Variants in MACROD2 observed in about 807,000 individuals in gnomAD.
MACROD2 encodes ADP-ribose glycohydrolase MACROD2.
Under a neutral mutation model 70.4 loss-of-function variants are expected in MACROD2, and 36 were observed. The ratio of observed to expected loss-of-function variants is 0.51; its 90% confidence interval spans 0.39 to 0.68. MACROD2 has a LOEUF of 0.68. MACROD2 is among the 30% of genes least tolerant of loss of function. The pLI is 0.00. For missense variants in MACROD2, 496 were observed against 538.4 expected (o/e 0.92, Z 0.78); for synonymous variants, 172 against 178.8 (o/e 0.96, Z 0.30).
chr20:15,295,595 T>TCACACACACA (rs3223712), intron 6 of MACROD2, among the ~76,000 whole-genome samples: 2,772 of 148,012 alleles, frequency 0.019, 52 homozygotes, highest in African/African-American at 0.039. Flanking sequence ...ATGTCTGTCA[T>TCACACACACA]CACACACACA....
rs192007592 is a variant in MACROD2, at chr20:15,249,129, G to A, written c.540+19068G>A. Among the ~76,000 whole-genome samples the A allele has an allele frequency of 3.3e-4, 51 of 152,318 alleles. No homozygotes were observed. The East Asian group carries it at 7.5e-3, about 23-fold the overall frequency. On this transcript the variant is annotated intron_variant, in intron 6 of 17. Transcript: ENST00000684519. Reference sequence around the variant, plus strand: ...AAAGGACAAGGACGCTGAGGTATTTGTCTACCAACCCCTGTCGCCTCCTTG... The same window carrying A: ...AAAGGACAAGGACGCTGAGGTATTTATCTACCAACCCCTGTCGCCTCCTTG...
chr20:15,583,058 T>A (rs1231793922), intron 8 of MACROD2, among the ~76,000 whole-genome samples: 9 of 150,588 alleles, frequency 6.0e-5, no homozygotes, highest in Non-Finnish European at 1.2e-4. Context: ...AAAAAAAAAA[T>A]AAGTGCAGTG....
At chr20:15,601,541 T>A (rs2048820089) in intron 8 of MACROD2, among the ~76,000 whole-genome samples, 1 of 152,202 alleles carries the variant, frequency 6.6e-6, no homozygotes, top group Non-Finnish European at 1.5e-5. Context: ...TATTGGATGT[T>A]GACACTCACC....
At chr20:15,585,519 C>T (rs1314941634) in intron 8 of MACROD2, among the ~76,000 whole-genome samples, 2 of 152,102 alleles carry the variant, frequency 1.3e-5, no homozygotes, top group Non-Finnish European at 2.9e-5. Flanking sequence ...TTACCAAGTG[C>T]AGAGAGCCTT....
At chr20:14,416,827 T>C (rs953821867) in intron 3 of MACROD2, among the ~76,000 whole-genome samples, 2 of 152,132 alleles carry the variant, frequency 1.3e-5, no homozygotes, top group African/African-American at 4.8e-5. Flanking sequence ...TTGCATTTAG[T>C]TTTTCAGTTG....
chr20:15,599,893 A>T (rs939013844), intron 8 of MACROD2, among the ~76,000 whole-genome samples: 1 of 152,194 alleles, frequency 6.6e-6, no homozygotes, highest in Non-Finnish European at 1.5e-5. Context: ...GCTTTTCCAG[A>T]ACCCCCTCTA....
chr20:15,775,487 G>C lies in MACROD2; in HGVS notation c.646-87258G>C, dbSNP rs200000719. ...AGCCTAATTGTGATTAGCAAGGGAGGGGGTATAACAAGGCATGTCTGACCT... is the reference window on the plus strand; with the variant it reads ...AGCCTAATTGTGATTAGCAAGGGAGCGGGTATAACAAGGCATGTCTGACCT... On this transcript the variant is annotated intron_variant, in intron 8 of 17. Transcript: ENST00000684519. Among the ~76,000 whole-genome samples, 7 of 152,176 alleles carry C rather than the reference G, an allele frequency of 4.6e-5. No homozygotes were observed. In the East Asian group the frequency reaches 1.3e-3, roughly 29 times the overall value.
rs201382086 is a variant in MACROD2 at position 14,026,932 on chromosome 20, AC to A, written c.163+24529del. On this transcript the variant is annotated intron_variant, in intron 2 of 17. Coordinates refer to ENST00000684519, the MANE Select transcript of MACROD2 (RefSeq NM_001351661.2). ...TAAAGACAGCAGTGGATCTCCCAGC[AC>A]AGCGCTCACGCTCTGCTAAGGGACA... Among the ~76,000 whole-genome samples, 732 of 152,340 alleles carry A rather than the reference AC, an allele frequency of 4.8e-3. 4 individuals carry two copies. The highest frequency in any genetic ancestry group is 0.017 in the African/African-American group (701 of 41,592).
chr20:15,870,296 A>G (rs1461654943), intron 9 of MACROD2, among the ~76,000 whole-genome samples: 1 of 151,816 alleles, frequency 6.6e-6, no homozygotes, highest in Non-Finnish European at 1.5e-5. Flanking sequence ...TCATCAATGA[A>G]AAAATAAGTT....
intron 3 of MACROD2, among the ~76,000 whole-genome samples, chr20:14,333,352 T>G (rs1165657435): frequency 6.6e-6 from 1 of 152,200 alleles, no homozygotes; most frequent in Non-Finnish European, 1.5e-5. Flanking sequence ...CTTGTAAAGT[T>G]AAATCAAGCA....
At position 15,148,927 on chromosome 20, in the gene MACROD2, A is replaced by G. The variant is rs376385287; in HGVS notation, c.419-81013A>G. Among the ~76,000 whole-genome samples the G allele has an allele frequency of 1.4e-4, 22 of 152,110 alleles. No homozygotes were observed. In the East Asian group the frequency reaches 2.9e-3, roughly 20 times the overall value. On this transcript the variant is annotated intron_variant, in intron 5 of 17. Transcript: ENST00000684519. ...GAAAAACTGCGTGGCTGTTTTGACT[A>G]ATAAAGGCTGGTCTGTTATCAGACT...
chr20:14,491,297 T>C (rs1470149805), intron 3 of MACROD2, among the ~76,000 whole-genome samples: 2 of 152,166 alleles, frequency 1.3e-5, no homozygotes, highest in African/African-American at 4.8e-5. Context: ...TTTTAGAGAA[T>C]AGAAATGGAT....
At chr20:15,554,258 A>C (rs2048136345) in intron 8 of MACROD2, among the ~76,000 whole-genome samples, 1 of 152,222 alleles carries the variant, frequency 6.6e-6, no homozygotes. Context: ...GAGTAAATCT[A>C]ATGGTGAAGG....
chr20:14,112,517 A>C (rs73084817), intron 3 of MACROD2, among the ~76,000 whole-genome samples: 282 of 152,160 alleles, frequency 1.9e-3, no homozygotes, highest in Admixed American at 2.9e-3. Context: ...AAATTAAAAA[A>C]TAAAATTGAA....
chr20:15,518,501 T>C (rs1365859402), intron 8 of MACROD2, among the ~76,000 whole-genome samples: 1 of 152,206 alleles, frequency 6.6e-6, no homozygotes, highest in Non-Finnish European at 1.5e-5. Flanking sequence ...AGTGAGTGCT[T>C]CATTTTAGAC....
intron 5 of MACROD2, among the ~76,000 whole-genome samples, chr20:14,719,295 G>A (rs1790958644): frequency 6.6e-6 from 1 of 151,498 alleles, no homozygotes; most frequent in African/African-American, 2.4e-5. Flanking sequence ...CATTTCAAAA[G>A]ACAAATAAAC....
At chr20:14,203,418 T>C (rs988285415) in intron 3 of MACROD2, among the ~76,000 whole-genome samples, 1 of 152,098 alleles carries the variant, frequency 6.6e-6, no homozygotes, top group Non-Finnish European at 1.5e-5. Flanking sequence ...TGCTGGAGAA[T>C]TATTGTGTTT....
rs143422156 is a variant in MACROD2, at chr20:15,694,067, A to T, written c.646-168678A>T. On this transcript the variant is annotated intron_variant, in intron 8 of 17. Coordinates refer to ENST00000684519, the MANE Select transcript of MACROD2 (RefSeq NM_001351661.2). ...AATTCATTCCTTTTTATGGCTGCAT[A>T]GTATTCCATCATATATATATCTCAC... 5.1e-4 allele frequency among the ~76,000 whole-genome samples: 78 copies of T among 152,314 alleles called. 2 individuals are homozygous for T. The highest frequency in any genetic ancestry group is 1.9e-3 in the African/African-American group (77 of 41,568).
chr20:14,584,484 T>A (rs995824239), intron 4 of MACROD2, among the ~76,000 whole-genome samples: 10 of 152,108 alleles, frequency 6.6e-5, no homozygotes, highest in African/African-American at 2.4e-4. Context: ...CTCCCCCTAG[T>A]TTGCAGATGG....
Sources: allele counts gnomAD v4.1 joint callset (sites outside exome capture counted in the v4.1 genomes callset), GRCh38; gene constraint gnomAD v4.1.1; transcripts MANE v1.5; gene names NCBI Gene and HGNC (gene_info 2026-07-23, HGNC 2026-07-21).